Variants in CLIC4 observed in about 807,000 individuals in gnomAD.
The protein encoded by CLIC4 is CLIC family member 4, also known as chloride intracellular channel protein 4.
Under a neutral mutation model 24.6 loss-of-function variants are expected in CLIC4, and 13 were observed. That is an observed-to-expected ratio of 0.53 (90% confidence interval 0.34 to 0.84). The LOEUF (loss-of-function observed/expected upper bound fraction) is 0.84, where lower values mean the gene tolerates loss of function less well. Ranked by LOEUF, CLIC4 falls within the 40% of genes least tolerant of loss-of-function variation. The pLI is 0.01. For missense variants in CLIC4, 227 were observed against 301.7 expected, an observed-to-expected ratio of 0.75 and a Z score of 1.83; for synonymous variants, 104 against 111.3, an observed-to-expected ratio of 0.93 and a Z score of 0.41.
chr1:24,745,505 C>T lies in CLIC4; in HGVS notation c.-49C>T, dbSNP rs1306723059. The stretch of plus-strand genomic sequence containing the variant: ...CGGAGCAGTCCCGGAGCAGAAGCAG[C>T]AGCAGCAGCAGCAGCCCTCGCCGTT... On this transcript the variant is annotated 5_prime_UTR_variant, in exon 1 of 6. Coordinates refer to ENST00000374379, the MANE Select transcript of CLIC4 (RefSeq NM_013943.3). 6 of 1,510,204 alleles carry T rather than the reference C, an allele frequency of 4.0e-6. No homozygotes were observed. The highest frequency in any genetic ancestry group is 5.4e-6 in the Non-Finnish European group (6 of 1,116,422). 93.6% of individuals were successfully genotyped at this position (1,510,204 alleles called of 1,614,324 possible).
At chr1:24,798,326 T>A (rs12096492) in intron 2 of CLIC4, among the ~76,000 whole-genome samples, 4 of 152,238 alleles carry the variant, frequency 2.6e-5, no homozygotes, top group African/African-American at 9.6e-5. Context: ...TTCTATAGCA[T>A]TTTAGCTATA....
intron 1 of CLIC4, among the ~76,000 whole-genome samples, chr1:24,784,230 C>T (rs1156858122): frequency 6.6e-6 from 1 of 152,142 alleles, no homozygotes; most frequent in Non-Finnish European, 1.5e-5. Flanking sequence ...CTAACCCCGT[C>T]CCTTGAGTGT....
intron 1 of CLIC4, among the ~76,000 whole-genome samples, chr1:24,783,559 C>T (rs1186066129): frequency 3.9e-5 from 6 of 151,922 alleles, no homozygotes; most frequent in Admixed American, 2.0e-4. Flanking sequence ...AGAAATTAGC[C>T]GGGTGTGGTG....
intron 1 of CLIC4, among the ~76,000 whole-genome samples, chr1:24,778,866 A>G (rs890654057): frequency 1.3e-5 from 2 of 152,200 alleles, no homozygotes; most frequent in Admixed American, 1.3e-4. Context: ...TGATTTTCCT[A>G]CAGATTAAAG....
intron 1 of CLIC4, among the ~76,000 whole-genome samples, chr1:24,770,782 A>AT: frequency 6.6e-6 from 1 of 151,146 alleles, no homozygotes; most frequent in South Asian, 2.1e-4. Flanking sequence ...TTTGTCACAT[A>AT]TTTTTACTGT....
chr1:24,782,840 A>G (rs1025863403), intron 1 of CLIC4, among the ~76,000 whole-genome samples: 4 of 152,080 alleles, frequency 2.6e-5, no homozygotes, highest in Admixed American at 2.0e-4. Flanking sequence ...TTAGCCAGGC[A>G]TAGTGATGTT....
rs932283427 is a variant in CLIC4 at position 24,814,361 on chromosome 1, A to G, written c.308+142A>G. On this transcript the variant is annotated intron_variant, in intron 3 of 5. Coordinates refer to ENST00000374379, the MANE Select transcript of CLIC4 (RefSeq NM_013943.3). ...GTTTCTTATAATTAATGCTACACAG[A>G]TATAAGAATTGGCTTCCAGCTAGGC... The G allele has an allele frequency of 2.4e-5, 24 of 992,632 alleles. No individual in the cohort carries two copies. The African/African-American group carries it at 3.1e-4, about 13-fold the overall frequency. 61.5% of individuals were successfully genotyped at this position (992,632 alleles called of 1,614,324 possible).
chr1:24,761,906 A>C (rs1439634618), intron 1 of CLIC4, among the ~76,000 whole-genome samples: 6 of 152,144 alleles, frequency 3.9e-5, no homozygotes, highest in Non-Finnish European at 7.3e-5. Flanking sequence ...GCCACTGGTC[A>C]AGAGTTGCCG....
intron 1 of CLIC4, chr1:24,777,851 C>G (rs1212900401): frequency 2.0e-5 from 3 of 152,118 alleles, no homozygotes; most frequent in Non-Finnish European, 4.4e-5. Flanking sequence ...AATTTAATCA[C>G]ACTTGTTTCT....
At chr1:24,819,987 C>A (rs1639709533) in intron 3 of CLIC4, among the ~76,000 whole-genome samples, 1 of 144,220 alleles carries the variant, frequency 6.9e-6, no homozygotes, top group South Asian at 2.2e-4. Context: ...GTGACCTGCC[C>A]ACCTCAGCCT....
At chr1:24,791,503 G>C (rs1571245199) in intron 1 of CLIC4, among the ~76,000 whole-genome samples, 1 of 152,182 alleles carries the variant, frequency 6.6e-6, no homozygotes, top group East Asian at 1.9e-4. Context: ...ACTTTGGGAG[G>C]CTGAGGTGGG....
chr1:24,776,397 TG>T (rs1639141351), intron 1 of CLIC4, among the ~76,000 whole-genome samples: 1 of 152,348 alleles, frequency 6.6e-6, no homozygotes, highest in East Asian at 1.9e-4. Context: ...TGCCTGCTTT[TG>T]TCACTCTCCA....
At position 24,844,284 on chromosome 1, in the gene CLIC4, T is replaced by TC. The variant is rs1639971009; in HGVS notation, c.*3353dup. The stretch of plus-strand genomic sequence containing the variant: ...TTCACTATCATAAAGGATTCTTTTT[T>TC]CCCCCCTCATGAAAATAAACAACAA... On this transcript the variant is annotated 3_prime_UTR_variant, in exon 6 of 6. Coordinates refer to ENST00000374379, the MANE Select transcript of CLIC4 (RefSeq NM_013943.3). 6.6e-6 allele frequency: 1 copy of TC among 152,546 alleles called. No individual in the cohort carries two copies. The highest frequency in any genetic ancestry group is 2.4e-5 in the African/African-American group (1 of 41,430). 9.4% of individuals were successfully genotyped at this position (152,546 alleles called of 1,614,324 possible). A position where few individuals can be genotyped will look rare whatever the true frequency, so the allele number is the denominator to read the frequency against.
rs1639924774 is a variant in CLIC4 at position 24,839,870 on chromosome 1, G to A, written c.426G>A (p.Arg142=). ...TTTTTCCCCCCCAAGCACTGGAGAG[G>A]GGTCTCCTGAAAACCCTGCAGAAAC... ...SRPEANEALE[R]GLLKTLQKLD... Residue 142 remains arginine (R), a synonymous_variant, in exon 5 of 6, where the codon AGG becomes AGA. Transcript: ENST00000374379. The A allele has an allele frequency of 6.2e-7, 1 of 1,611,222 alleles. No homozygotes were observed. Among genetic ancestry groups the A allele is most frequent in the Non-Finnish European group, 8.5e-7 (1 of 1,179,404 alleles).
At position 24,745,549 on chromosome 1, in the gene CLIC4, C is replaced by A. The variant is rs975956837; in HGVS notation, c.-5C>A. 8 of 1,583,926 alleles carry A rather than the reference C, an allele frequency of 5.1e-6. No individual in the cohort carries two copies. Among genetic ancestry groups the A allele is most frequent in the Non-Finnish European group, 6.8e-6 (8 of 1,168,492 alleles). ...CGCCGTTCGCGGAGCGCAGCCGAGC[C>A]GGCCATGGCGTTGTCGATGCCGCTG... On this transcript the variant is annotated 5_prime_UTR_variant, in exon 1 of 6. Coordinates refer to ENST00000374379, the MANE Select transcript of CLIC4 (RefSeq NM_013943.3).
At chr1:24,818,534 A>C (rs1639694561) in intron 3 of CLIC4, among the ~76,000 whole-genome samples, 1 of 152,004 alleles carries the variant, frequency 6.6e-6, no homozygotes, top group African/African-American at 2.4e-5. Flanking sequence ...GTATCCGCCC[A>C]CCTCGGCCTC....
intron 3 of CLIC4, among the ~76,000 whole-genome samples, chr1:24,822,291 CTG>C (rs918126377): frequency 1.3e-5 from 2 of 149,952 alleles, no homozygotes; most frequent in East Asian, 2.0e-4. Context: ...GTTTACTTGA[CTG>C]TGAACAAGTG....
intron 1 of CLIC4, among the ~76,000 whole-genome samples, chr1:24,790,954 A>AG (rs1639327161): frequency 6.6e-6 from 1 of 152,184 alleles, no homozygotes; most frequent in Non-Finnish European, 1.5e-5. Context: ...GGATAACTTG[A>AG]GGCCAGGAGT....
chr1:24,746,126 C>G (rs559595779), intron 1 of CLIC4, among the ~76,000 whole-genome samples: 2 of 152,348 alleles, frequency 1.3e-5, no homozygotes, highest in East Asian at 3.9e-4. Context: ...CCCCACTGGT[C>G]TGAAACGGAA....
Sources: gnomAD v4.1 joint callset for allele counts (sites outside exome capture counted in the v4.1 genomes callset) on GRCh38, gnomAD v4.1.1 for gene constraint, MANE v1.5 for transcripts, NCBI Gene and HGNC (gene_info 2026-07-23, HGNC 2026-07-21) for gene names.